Variants in PALM2AKAP2 observed in about 807,000 individuals in gnomAD.
PALM2AKAP2 encodes PALM2 and AKAP2 fusion.
A neutral mutation model predicts 71.5 loss-of-function variants in PALM2AKAP2; 37 were observed. That is an observed-to-expected ratio of 0.52 (90% CI 0.40 to 0.68). The LOEUF is 0.68. PALM2AKAP2 is among the 30% of genes least tolerant of loss of function. The probability of loss-of-function intolerance (pLI) is 0.00; values close to 1 mark genes in which losing one functional copy is unlikely to be tolerated. For synonymous variants in PALM2AKAP2, 468 were observed against 478.8 expected, an observed-to-expected ratio of 0.98 and a Z score of 0.29; for missense variants, 1,224 against 1,191.8, an observed-to-expected ratio of 1.03 and a Z score of -0.40.
chr9:110,137,551 G>A (rs761985704), exon 2 of PALM2AKAP2: 7 of 1,614,150 alleles, frequency 4.3e-6, no homozygotes, highest in Admixed American at 3.3e-5. Context: ...GAGAATTTAC[G>A]AGCGCCCGGG....
At chr9:109,653,373 G>A (rs1424897432) in intron 1 of PALM2AKAP2, among the ~76,000 whole-genome samples, 4 of 152,190 alleles carry the variant, frequency 2.6e-5, no homozygotes, top group Non-Finnish European at 4.4e-5. Flanking sequence ...AGATCACATC[G>A]AAAGCCTCTG....
intron 7 of PALM2AKAP2, among the ~76,000 whole-genome samples, chr9:110,019,259 AAGAG>A (rs1554739073): frequency 2.1e-4 from 32 of 150,788 alleles, no homozygotes; most frequent in African/African-American, 7.9e-4. Flanking sequence ...AAAAAAAAAA[AAGAG>A]AGATACCATC....
intron 6 of PALM2AKAP2, among the ~76,000 whole-genome samples, chr9:109,937,247 T>C (rs1205963213): frequency 3.3e-5 from 5 of 152,042 alleles, no homozygotes; most frequent in Non-Finnish European, 7.4e-5. Flanking sequence ...ACCACCTTGG[T>C]TTTTAGGTGG....
intron 7 of PALM2AKAP2, among the ~76,000 whole-genome samples, chr9:110,031,155 C>A (rs1346366267): frequency 1.3e-5 from 2 of 152,160 alleles, no homozygotes. Context: ...CAGGGTCTCA[C>A]CTTGTTGCCC....
chr9:109,691,059 A>G (rs747836326), intron 1 of PALM2AKAP2, among the ~76,000 whole-genome samples: 17 of 152,152 alleles, frequency 1.1e-4, no homozygotes, highest in Non-Finnish European at 2.2e-4. Flanking sequence ...AGAATTTGCT[A>G]TTGGCACTAA....
intron 1 of PALM2AKAP2, among the ~76,000 whole-genome samples, chr9:110,078,973 G>A (rs1214106871): frequency 6.6e-6 from 1 of 152,220 alleles, no homozygotes; most frequent in Non-Finnish European, 1.5e-5. Flanking sequence ...GGAAACGTGT[G>A]TAGTTAATTT....
chr9:110,131,075 T>G (rs545401270), intron 1 of PALM2AKAP2, among the ~76,000 whole-genome samples: 2 of 152,224 alleles, frequency 1.3e-5, no homozygotes, highest in Non-Finnish European at 2.9e-5. Flanking sequence ...CTTGAGTTTA[T>G]ATTCCCATTT....
intron 1 of PALM2AKAP2, among the ~76,000 whole-genome samples, chr9:110,117,973 T>TTGTGTGTG (rs1171400897): frequency 0.034 from 4,754 of 138,488 alleles, 123 homozygotes; most frequent in African/African-American, 0.075. Context: ...ATATGTCGTT[T>TTGTGTGTG]TGTGTGTGTG....
chr9:110,086,698 AG>A (rs1395335686), intron 1 of PALM2AKAP2, among the ~76,000 whole-genome samples: 1 of 152,220 alleles, frequency 6.6e-6, no homozygotes, highest in East Asian at 1.9e-4. Flanking sequence ...TGGCACCATC[AG>A]GTTTCTGGAC....
At chr9:109,732,990 A>C (rs1405490091) in intron 1 of PALM2AKAP2, among the ~76,000 whole-genome samples, 1 of 152,128 alleles carries the variant, frequency 6.6e-6, no homozygotes, top group African/African-American at 2.4e-5. Context: ...GTAAGAAGTG[A>C]GTTCTGAGAG....
At chr9:109,851,894 G>A (rs1829031452) in intron 1 of PALM2AKAP2, among the ~76,000 whole-genome samples, 1 of 152,108 alleles carries the variant, frequency 6.6e-6, no homozygotes, top group Non-Finnish European at 1.5e-5. Flanking sequence ...TGGGTAAAAA[G>A]CTGTGTGGTC....
intron 1 of PALM2AKAP2, among the ~76,000 whole-genome samples, chr9:109,822,268 T>C (rs947440758): frequency 1.3e-5 from 2 of 150,174 alleles, no homozygotes; most frequent in Admixed American, 1.3e-4. Flanking sequence ...CCCATCCATC[T>C]ATCCATCCAT....
intron 1 of PALM2AKAP2, among the ~76,000 whole-genome samples, chr9:110,097,678 T>G (rs1834886937): frequency 7.2e-6 from 1 of 139,858 alleles, no homozygotes; most frequent in African/African-American, 2.9e-5. Flanking sequence ...CTTTCCAGAC[T>G]GGGCAGCCAG....
rs1428467479 is a variant in PALM2AKAP2, at chr9:109,931,915, C to T, written c.395-12C>T. 13 of 1,613,190 alleles carry T rather than the reference C, an allele frequency of 8.1e-6. No homozygotes were observed. Among genetic ancestry groups the T allele is most frequent in the East Asian group, 2.2e-5 (1 of 44,886 alleles). ...ACTGTGACTAATTGTATTCCCTGTT[C>T]TCTGCTACCAGATGCAGTAAATTAC... On this transcript the variant is annotated splice_polypyrimidine_tract_variant and intron_variant, in intron 5 of 9. Coordinates refer to the PALM2AKAP2 transcript ENST00000302798.
At chr9:110,043,150 C>G (rs1353746749) in intron 7 of PALM2AKAP2, among the ~76,000 whole-genome samples, 1 of 152,176 alleles carries the variant, frequency 6.6e-6, no homozygotes, top group Non-Finnish European at 1.5e-5. Flanking sequence ...GCCTCCTATG[C>G]CTGGTCTTCA....
chr9:109,649,166 T>C (rs1674831883), intron 1 of PALM2AKAP2, among the ~76,000 whole-genome samples: 1 of 152,176 alleles, frequency 6.6e-6, no homozygotes, highest in Non-Finnish European at 1.5e-5. Context: ...GTTTTTTTTT[T>C]CTGGAAAATG....
At chr9:109,665,005 A>C (rs1236805611) in intron 1 of PALM2AKAP2, among the ~76,000 whole-genome samples, 1 of 152,190 alleles carries the variant, frequency 6.6e-6, no homozygotes, top group African/African-American at 2.4e-5. Flanking sequence ...TGTGTCACAA[A>C]GTTCTCGTGC....
intron 1 of PALM2AKAP2, among the ~76,000 whole-genome samples, chr9:109,843,256 G>T (rs1318928465): frequency 6.4e-5 from 9 of 140,668 alleles, no homozygotes; most frequent in Non-Finnish European, 3.0e-5. Flanking sequence ...GAGCTATGAT[G>T]GCACTACCGC....
intron 1 of PALM2AKAP2, among the ~76,000 whole-genome samples, chr9:109,818,857 A>G (rs549618858): frequency 2.6e-5 from 4 of 151,898 alleles, no homozygotes; most frequent in African/African-American, 9.7e-5. Flanking sequence ...TGTGGCACAG[A>G]CTCTCTTCTT....
Sources: allele counts gnomAD v4.1 joint callset (sites outside exome capture counted in the v4.1 genomes callset), GRCh38; gene constraint gnomAD v4.1.1; transcripts MANE v1.5; gene names NCBI Gene and HGNC (gene_info 2026-07-23, HGNC 2026-07-21).